Variants in ZFX observed in about 807,000 individuals in gnomAD.
ZFX encodes the protein zinc finger protein X-linked.
For synonymous variants in ZFX, 196 were observed against 226.8 expected, an observed-to-expected ratio of 0.86 and a Z score of 1.22; for missense variants, 362 against 628.3, an observed-to-expected ratio of 0.58 and a Z score of 4.53.
At chrX:24,201,904 T>C (rs116295920) in intron 5 of ZFX, among the ~76,000 whole-genome samples, 2,214 of 112,081 alleles carry the variant, frequency 0.02, 53 homozygotes, top group African/African-American at 0.068. Context: ...CCAGTTGGAC[T>C]CTTTAAGCCT....
At chrX:24,184,151 C>G (rs1935918686) in intron 5 of ZFX, among the ~76,000 whole-genome samples, 1 of 111,573 alleles carries the variant, frequency 9.0e-6, no homozygotes, top group African/African-American at 3.3e-5. Flanking sequence ...CCACAAAAGT[C>G]TGAAACACTT....
chrX:24,149,427 G>A (rs895525625), upstream of ZFX: 2 of 110,926 alleles, frequency 1.8e-5, no homozygotes, highest in Non-Finnish European at 3.8e-5. Context: ...GGAGCGCGGA[G>A]GAGGTGGAAA....
At position 24,213,811 on chromosome X, in the gene ZFX, A is replaced by G. The variant is rs1254022757; in HGVS notation, c.*2435A>G. 2.7e-5 allele frequency: 3 copies of G among 110,086 alleles called. No homozygotes were observed. Among genetic ancestry groups the G allele is most frequent in the Non-Finnish European group, 5.7e-5 (3 of 52,781 alleles). The allele number at this position is 110,086 out of a possible 1,213,427, so 9.1% of individuals were successfully genotyped here. On this transcript the variant is annotated 3_prime_UTR_variant, in exon 10 of 10. Transcript: ENST00000304543. ...TCTCCCTTAATTTTTATTTTCCCAG[A>G]AATAATGTAAAAACACTTAAATGAA...
intron 4 of ZFX, 32 bp downstream of exon 4, chrX:24,172,832 C>G: frequency 8.6e-7 from 1 of 1,162,632 alleles, no homozygotes; most frequent in Non-Finnish European, 1.2e-6. Context: ...CACTTCCCAT[C>G]TACCAGATTT....
chrX:24,166,604 T>C (rs1362020863), intron 3 of ZFX, among the ~76,000 whole-genome samples: 1 of 112,161 alleles, frequency 8.9e-6, no homozygotes, highest in East Asian at 2.8e-4. Flanking sequence ...ATTGATTTTT[T>C]TTATTACTGT....
At chrX:24,207,217 A>T in intron 5 of ZFX, 109 bp from the exon 6 acceptor site, 1 of 806,409 alleles carries the variant, frequency 1.2e-6, no homozygotes, top group African/African-American at 2.2e-5. Context: ...AGCCTGGGTG[A>T]CAGTGAGACT....
chrX:24,175,673 G>A (rs1935059865), intron 4 of ZFX, among the ~76,000 whole-genome samples: 2 of 111,077 alleles, frequency 1.8e-5, no homozygotes, highest in Non-Finnish European at 3.8e-5. Flanking sequence ...CCACCTCCCT[G>A]GTTCAGGTGA....
intron 5 of ZFX, among the ~76,000 whole-genome samples, chrX:24,192,014 A>G (rs944354344): frequency 8.9e-6 from 1 of 111,740 alleles, no homozygotes; most frequent in Non-Finnish European, 1.9e-5. Flanking sequence ...TTGAGTATTA[A>G]ATAGCCATCC....
upstream of ZFX, chrX:24,149,177 C>T (rs1397253939): frequency 9.1e-6 from 1 of 109,854 alleles, no homozygotes. Flanking sequence ...GAAGAAAACA[C>T]ATTTACTGCG....
At chrX:24,200,351 T>C (rs1937212807) in intron 5 of ZFX, among the ~76,000 whole-genome samples, 1 of 111,683 alleles carries the variant, frequency 9.0e-6, no homozygotes, top group Non-Finnish European at 1.9e-5. Context: ...TTTGTGTTTC[T>C]GTGTGTTTCC....
intron 5 of ZFX, among the ~76,000 whole-genome samples, chrX:24,184,340 T>C (rs776597122): frequency 2.7e-5 from 3 of 111,676 alleles, no homozygotes; most frequent in Non-Finnish European, 5.6e-5. Flanking sequence ...TCGCTTCTCC[T>C]TGACTTCTCT....
At chrX:24,184,559 T>C (rs925782215) in intron 5 of ZFX, among the ~76,000 whole-genome samples, 2 of 110,872 alleles carry the variant, frequency 1.8e-5, no homozygotes, top group African/African-American at 6.6e-5. Flanking sequence ...TATTACAGAA[T>C]TTGTAATACA....
Position 24,171,813 on chromosome X carries a change from A to G in ZFX, c.-28-902A>G, listed in dbSNP as rs149287741. On this transcript the variant is annotated intron_variant, in intron 3 of 9. Transcript: ENST00000304543. ...GCTGTCTCCCCTCCCTGCTTACTCT[A>G]TTCTGTTACTCAAGGCACTCACAGT... Among the ~76,000 whole-genome samples the G allele has an allele frequency of 9.3e-3, 1,023 of 110,170 alleles. 11 individuals carry two copies. Among genetic ancestry groups the G allele is most frequent in the African/African-American group, 0.032 (956 of 30,234 alleles).
At chrX:24,166,014 T>A (rs1247143974) in intron 3 of ZFX, among the ~76,000 whole-genome samples, 1 of 112,618 alleles carries the variant, frequency 8.9e-6, no homozygotes, top group East Asian at 2.8e-4. Flanking sequence ...TTAAGGAGGC[T>A]GTACTGCTTT....
At chrX:24,188,769 A>G (rs1208904313) in intron 5 of ZFX, among the ~76,000 whole-genome samples, 1 of 112,160 alleles carries the variant, frequency 8.9e-6, no homozygotes, top group African/African-American at 3.2e-5. Context: ...ATTCAGAAAC[A>G]AAAAGTACAT....
chrX:24,207,969 G>A, intron 7 of ZFX, 114 bp downstream of exon 7: 1 of 985,709 alleles, frequency 1.0e-6, no homozygotes, highest in Non-Finnish European at 1.4e-6. Flanking sequence ...TACATTCCAA[G>A]GGAAACATCT....
intron 5 of ZFX, among the ~76,000 whole-genome samples, chrX:24,184,513 C>T (rs773019706): frequency 7.8e-4 from 86 of 110,510 alleles, no homozygotes; most frequent in South Asian, 5.4e-3. Flanking sequence ...CCAGAAGTTG[C>T]TTTAGTAACA....
chrX:24,162,143 G>A (rs1027545429), intron 3 of ZFX, among the ~76,000 whole-genome samples: 4 of 111,280 alleles, frequency 3.6e-5, no homozygotes, highest in Non-Finnish European at 5.7e-5. Context: ...CAGGAGAATC[G>A]CTTGAACCTG....
At chrX:24,160,397 C>G (rs1202092258) in intron 3 of ZFX, among the ~76,000 whole-genome samples, 1 of 105,082 alleles carries the variant, frequency 9.5e-6, no homozygotes, top group East Asian at 2.9e-4. Context: ...CTCCCGGGTT[C>G]AAGCGATTCT....
Sources: gnomAD v4.1 joint callset for allele counts (sites outside exome capture counted in the v4.1 genomes callset) on GRCh38, gnomAD v4.1.1 for gene constraint, MANE v1.5 for transcripts, NCBI Gene and HGNC (gene_info 2026-07-23, HGNC 2026-07-21) for gene names.